Variants in KIR3DL3 observed in about 807,000 individuals in gnomAD.
The protein encoded by KIR3DL3 is killer cell immunoglobulin-like receptor 3DL3.
A neutral mutation model predicts 34.9 loss-of-function variants in KIR3DL3; 27 were observed. The ratio of observed to expected loss-of-function variants is 0.77; its 90% confidence interval spans 0.57 to 1.07. The LOEUF is 1.07. Among genes scored for constraint, KIR3DL3 ranks in the 50% least tolerant of loss-of-function variants. The probability of loss-of-function intolerance (pLI) is 0.00; values close to 1 mark genes in which losing one functional copy is unlikely to be tolerated. For missense variants in KIR3DL3, 681 were observed against 528.5 expected (o/e 1.29, Z -2.83); for synonymous variants, 217 against 200.2 (o/e 1.08, Z -0.71).
At chr19:54,734,079 T>C (rs1392620137) in intron 5 of KIR3DL3, among the ~76,000 whole-genome samples, 4 of 152,238 alleles carry the variant, frequency 2.6e-5, no homozygotes, top group Non-Finnish European at 5.9e-5. Flanking sequence ...ACATCATTAT[T>C]TCATGGCTGT....
chr19:54,724,925 C>T (rs62131754), intron 1 of KIR3DL3, among the ~76,000 whole-genome samples: 81,676 of 118,604 alleles, frequency 0.69, 27,320 homozygotes, highest in Admixed American at 0.72. Flanking sequence ...AGTAGAGATA[C>T]GGGCCTGGAG....
At chr19:54,733,002 A>C (rs1220172872) in intron 5 of KIR3DL3, among the ~76,000 whole-genome samples, 33 of 152,230 alleles carry the variant, frequency 2.2e-4, no homozygotes, top group Non-Finnish European at 7.4e-5. Flanking sequence ...TTCCCGCCCC[A>C]CTGGTGAAAC....
At chr19:54,728,243 T>A (rs2068420348) in intron 4 of KIR3DL3, among the ~76,000 whole-genome samples, 1 of 149,876 alleles carries the variant, frequency 6.7e-6, no homozygotes, top group African/African-American at 2.5e-5. Flanking sequence ...GAAGGTTCCA[T>A]TCTGTTTTAC....
At position 54,735,996 on chromosome 19, in the gene KIR3DL3, AG is replaced by A. The variant is rs773717007; in HGVS notation, c.1135del (p.Val379Ter). The A allele has an allele frequency of 1.2e-6, 2 of 1,613,556 alleles. No individual in the cohort carries two copies. The highest frequency in any genetic ancestry group is 1.7e-6 in the Non-Finnish European group (2 of 1,179,964). ...GACTCTGATGAACAAGACCCTCAGG[AG>A]GTGACATACGCACAGTTGAATCACT... ...REDSDEQDPQEVTYAQLNHCV... is the reference protein window; with the variant it reads ...REDSDEQDPQXVTYAQLNHCV... On this transcript the variant is annotated frameshift_variant, in exon 8 of 8. Transcript: ENST00000291860. LOFTEE classifies it low-confidence loss of function (END_TRUNC).
intron 5 of KIR3DL3, 93 bp from the exon 6 acceptor site, chr19:54,735,159 TG>T: frequency 1.0e-6 from 1 of 997,034 alleles, no homozygotes; most frequent in Non-Finnish European, 1.6e-6. Flanking sequence ...AAAGAGACGT[TG>T]TATGTGGTTA....
chr19:54,734,365 G>C (rs2069189719), intron 5 of KIR3DL3, among the ~76,000 whole-genome samples: 3 of 150,856 alleles, frequency 2.0e-5, no homozygotes, highest in Non-Finnish European at 3.0e-5. Flanking sequence ...ATTACTAACA[G>C]ATAAGCAGCG....
chr19:54,736,030 C>A lies in KIR3DL3; in HGVS notation c.1167C>A (p.Phe389Leu), dbSNP rs2069550891. Residue 389 changes from phenylalanine (F) to leucine (L), a missense_variant, in exon 8 of 8, where the codon TTC becomes TTA. Phe to Leu is a conservative substitution (Grantham distance 22). Transcript: ENST00000291860. ...ACGCACAGTTGAATCACTGCGTTTTCACACAGAGAAAAATCACTCGCCCTT... is the reference window on the plus strand; with the variant it reads ...ACGCACAGTTGAATCACTGCGTTTTAACACAGAGAAAAATCACTCGCCCTT... ...VTYAQLNHCVFTQRKITRPSQ... is the reference protein window; with the variant it reads ...VTYAQLNHCVLTQRKITRPSQ... 2.5e-6 allele frequency: 4 copies of A among 1,613,676 alleles called. No individual in the cohort carries two copies. The highest frequency in any genetic ancestry group is 3.4e-6 in the Non-Finnish European group (4 of 1,180,012).
chr19:54,727,576 G>A (rs1600175659), intron 3 of KIR3DL3, 35 bp from the exon 4 acceptor site: 2 of 1,593,280 alleles, frequency 1.3e-6, no homozygotes, highest in East Asian at 4.5e-5. Flanking sequence ...ATGAGAAAGG[G>A]AGACGCCTTC....
chr19:54,725,032 G>A (rs1206928457), intron 1 of KIR3DL3, among the ~76,000 whole-genome samples: 1 of 143,818 alleles, frequency 7.0e-6, no homozygotes, highest in African/African-American at 2.6e-5. Context: ...TGGGCCTGGA[G>A]TGTAGATATG....
chr19:54,731,954 T>A (rs1355203458), intron 5 of KIR3DL3, among the ~76,000 whole-genome samples: 1 of 152,210 alleles, frequency 6.6e-6, no homozygotes, highest in Non-Finnish European at 1.5e-5. Context: ...TCTTTTTAAG[T>A]TCAGCTGATT....
In KIR3DL3 at chr19:54,726,304, G is replaced by A; in HGVS notation, c.322G>A (p.Ala108Thr). 4 of 1,613,790 alleles carry A rather than the reference G, an allele frequency of 2.5e-6. No homozygotes were observed. The highest frequency in any genetic ancestry group is 3.4e-6 in the Non-Finnish European group (4 of 1,179,956). ...CCCACACTCCCCCACTGGGTGGTCG[G>A]CACCCAGCAACCCTGTGGTGATCAT... ...SHPHSPTGWS[A>T]PSNPVVIMVT... is the part of the protein sequence containing the mutation. The change falls in exon 3 of 8, where the codon GCA (alanine) becomes ACA (threonine). Residue 108 changes from alanine to threonine, a missense_variant. Ala to Thr is a moderately conservative substitution (Grantham distance 58). Coordinates refer to ENST00000291860, the MANE Select transcript of KIR3DL3 (RefSeq NM_153443.5).
rs2068141639 is a variant in KIR3DL3, at chr19:54,726,134, C to G, written c.152C>G (p.Ser51Cys). The G allele has an allele frequency of 1.1e-5, 17 of 1,613,188 alleles. No individual in the cohort carries two copies. The highest frequency in any genetic ancestry group is 6.7e-5 in the Admixed American group (4 of 59,900). Reference protein sequence around the residue: ...EGQHVTLQCRSRLGFNEFSLS... With the variant: ...EGQHVTLQCRCRLGFNEFSLS... ...CAACATGTGACTCTTCAGTGTCGCT[C>G]TCGTCTTGGGTTTAATGAATTCAGT... Residue 51 changes from serine to cysteine, a missense_variant, in exon 3 of 8, where the codon TCT becomes TGT. Ser to Cys is a moderately radical substitution (Grantham distance 112). Coordinates refer to ENST00000291860, the MANE Select transcript of KIR3DL3 (RefSeq NM_153443.5).
intron 4 of KIR3DL3, among the ~76,000 whole-genome samples, chr19:54,729,288 T>C (rs1303498589): frequency 2.7e-5 from 4 of 150,892 alleles, no homozygotes; most frequent in Admixed American, 1.3e-4. Flanking sequence ...AAAACATAGC[T>C]AGGGATGGAG....
chr19:54,728,505 C>A (rs2146789558), intron 4 of KIR3DL3, among the ~76,000 whole-genome samples: 1 of 151,130 alleles, frequency 6.6e-6, no homozygotes, highest in Non-Finnish European at 1.5e-5. Flanking sequence ...TCAAATAGCA[C>A]CACATGTTAT....
chr19:54,736,068 A>G lies in KIR3DL3; in HGVS notation c.1205A>G (p.Lys402Arg). Reference protein sequence around the residue: ...RKITRPSQRPKTPPTDTSV With the variant: ...RKITRPSQRPRTPPTDTSV ...ATCACTCGCCCTTCTCAGAGGCCCA[A>G]GACACCCCCAACAGATACCAGCGTG... Residue 402 changes from lysine to arginine, a missense_variant, in exon 8 of 8, where the codon AAG becomes AGG. Lys to Arg is a conservative substitution (Grantham distance 26, BLOSUM62 2). Transcript: ENST00000291860. 1 of 1,613,710 alleles carries G rather than the reference A, an allele frequency of 6.2e-7. No homozygotes were observed. The highest frequency in any genetic ancestry group is 8.5e-7 in the Non-Finnish European group (1 of 1,179,970).
chr19:54,730,900 A>G (rs1377623267), intron 5 of KIR3DL3, among the ~76,000 whole-genome samples: 5 of 152,226 alleles, frequency 3.3e-5, no homozygotes, highest in Non-Finnish European at 7.3e-5. Flanking sequence ...ATGGGAGTGC[A>G]GATGTCACTT....
In KIR3DL3 at chr19:54,736,081, A is replaced by G; in HGVS notation, c.1218A>G (p.Thr406=). Residue 406 remains threonine (T), a synonymous_variant, in exon 8 of 8, where the codon ACA becomes ACG. Coordinates refer to ENST00000291860, the MANE Select transcript of KIR3DL3 (RefSeq NM_153443.5). ...CTCAGAGGCCCAAGACACCCCCAAC[A>G]GATACCAGCGTGTAACACGGAACTT... ...RPSQRPKTPP[T]DTSV The G allele has an allele frequency of 1.2e-6, 2 of 1,613,526 alleles. No homozygotes were observed. Among genetic ancestry groups the G allele is most frequent in the Non-Finnish European group, 1.7e-6 (2 of 1,179,952 alleles).
At chr19:54,735,470 G>A in intron 6 of KIR3DL3, 113 bp downstream of exon 6, 2 of 626,976 alleles carry the variant, frequency 3.2e-6, no homozygotes, top group Non-Finnish European at 2.8e-6. Context: ...CAAGGCAGGA[G>A]CCACAGAGGC....
At chr19:54,728,609 G>C (rs1476608462) in intron 4 of KIR3DL3, among the ~76,000 whole-genome samples, 24 of 152,192 alleles carry the variant, frequency 1.6e-4, no homozygotes, top group Admixed American at 2.6e-4. Context: ...GAATGAGCCA[G>C]AAGAAGGGAA....
Sources: gnomAD v4.1 joint callset for allele counts (sites outside exome capture counted in the v4.1 genomes callset) on GRCh38, gnomAD v4.1.1 for gene constraint, MANE v1.5 for transcripts, NCBI Gene and HGNC (gene_info 2026-07-23, HGNC 2026-07-21) for gene names.